Variants in APC2 observed in about 807,000 individuals in gnomAD.
APC2 encodes APC regulator of Wnt signaling pathway 2, also known as adenomatous polyposis coli protein 2.
APC2 carries 41 observed loss-of-function variants against 72.5 expected under a neutral mutation model. The ratio of observed to expected loss-of-function variants is 0.57; its 90% CI spans 0.44 to 0.73. APC2 has a LOEUF of 0.73. APC2 is among the 30% of genes least tolerant of loss of function. APC2 has a pLI of 0.00. For synonymous variants in APC2, 1,898 were observed against 1,612.0 expected (o/e 1.18, Z -4.25); for missense variants, 3,729 against 3,403.4 (o/e 1.10, Z -2.38).
Position 1,466,977 on chromosome 19 carries a change from G to A in APC2, c.3676G>A (p.Ala1226Thr), listed in dbSNP as rs749627504. 2 of 1,607,278 alleles carry A rather than the reference G, an allele frequency of 1.2e-6. No individual in the cohort carries two copies. Among genetic ancestry groups the A allele is most frequent in the East Asian group, 2.2e-5 (1 of 44,678 alleles). ...LAPAPQGPPE[A>T]TQFSLQWESY... is the part of the protein sequence containing the mutation. ...GCCCGCGCCACAGGGTCCCCCCGAG[G>A]CCACCCAGTTCAGCCTGCAGTGGGA... The change falls in exon 15 of 15, where the codon GCC becomes ACC. Residue 1226 changes from alanine to threonine, a missense_variant. Physicochemically the swap from Ala to Thr is moderately conservative, Grantham distance 58. Coordinates refer to ENST00000590469, the MANE Select transcript of APC2 (RefSeq NM_005883.3).
chr19:1,465,533 G>A lies in APC2; in HGVS notation c.2232G>A (p.Lys744=). The A allele has an allele frequency of 6.5e-7, 1 of 1,528,978 alleles. No individual in the cohort carries two copies. Among genetic ancestry groups the A allele is most frequent in the Non-Finnish European group, 8.8e-7 (1 of 1,139,500 alleles). The allele number at this position is 1,528,978 out of a possible 1,614,324, so 94.7% of individuals were successfully genotyped here. ...CGCAGGCGCTGGAGCACCTGGAGAAGCAGGGCCCGCCGGCAGCCGAGGCCG... is the reference window on the plus strand; with the variant it reads ...CGCAGGCGCTGGAGCACCTGGAGAAACAGGGCCCGCCGGCAGCCGAGGCCG... ...HLAQALEHLE[K]QGPPAAEAAT... is the part of the protein sequence containing the mutation. Residue 744 remains lysine, a synonymous_variant, in exon 15 of 15, where the codon AAG becomes AAA. Transcript: ENST00000590469.
chr19:1,456,528 A>C, intron 8 of APC2, 124 bp downstream of exon 8: 1 of 1,072,106 alleles, frequency 9.3e-7, no homozygotes, highest in Non-Finnish European at 1.3e-6. Context: ...GGGTGTAGGA[A>C]GGCCCCTCTG....
At position 1,456,380 on chromosome 19, in the gene APC2, C is replaced by A; in HGVS notation, c.792C>A (p.Gly264=). The A allele has an allele frequency of 6.2e-7, 1 of 1,606,316 alleles. No homozygotes were observed. ...ETEVPTHPED[G]TPQPGNSKVE... is the part of the protein sequence containing the mutation. Reference sequence around the variant, plus strand: ...AGGTCCCCACACACCCTGAGGATGGCACCCCTCAGCCGGGCAACAGCAAGG... The same window carrying A: ...AGGTCCCCACACACCCTGAGGATGGAACCCCTCAGCCGGGCAACAGCAAGG... Residue 264 remains glycine (G), a synonymous_variant, in exon 8 of 15, where the codon GGC becomes GGA. Coordinates refer to ENST00000590469, the MANE Select transcript of APC2 (RefSeq NM_005883.3).
chr19:1,466,384 A>AGGCCTGGCTGCC lies in APC2; in HGVS notation c.3087_3098dup (p.Trp1030_Ala1033dup), dbSNP rs1366325225. The AGGCCTGGCTGCC allele has an allele frequency of 8.2e-6, 13 of 1,589,604 alleles. No homozygotes were observed. The highest frequency in any genetic ancestry group is 1.3e-5 in the African/African-American group (1 of 74,722). On this transcript the variant is annotated inframe_insertion, in exon 15 of 15. Coordinates refer to ENST00000590469, the MANE Select transcript of APC2 (RefSeq NM_005883.3). The stretch of plus-strand genomic sequence containing the variant: ...GGAATCTCTCCAGGGGCCCGGAAGC[A>AGGCCTGGCTGCC]GGCCTGGCTGCCGGCAGACCACCTG...
intron 13 of APC2, 64 bp from the exon 14 acceptor site, chr19:1,461,899 G>A: frequency 7.3e-7 from 1 of 1,368,608 alleles, no homozygotes. Flanking sequence ...CTGAATGTGA[G>A]CGTGGGAGCC....
chr19:1,472,047 G>A lies in APC2; in HGVS notation c.*1834G>A, dbSNP rs1239130080. The A allele has an allele frequency of 6.6e-6, 1 of 152,398 alleles. No homozygotes were observed. Among genetic ancestry groups the A allele is most frequent in the Non-Finnish European group, 1.5e-5 (1 of 68,158 alleles). 9.4% of individuals were successfully genotyped at this position (152,398 alleles called of 1,614,324 possible). A position where few individuals can be genotyped will look rare whatever the true frequency, so the allele number is the denominator to read the frequency against. ...ACCTCGCAGCCAGGCAAGGCTGTCA[G>A]GTTGTTTTGGGGGAAGAGGGGGTCA... On this transcript the variant is annotated 3_prime_UTR_variant, in exon 15 of 15. Transcript: ENST00000590469.
At position 1,461,032 on chromosome 19, in the gene APC2, C is replaced by A. The variant is rs2083914445; in HGVS notation, c.1522-5C>A. ...CCCACCACACTTGCCCCTCACCCCACCCAGGTGGTGTCCAGCATCCTTCGG... is the reference window on the plus strand; with the variant it reads ...CCCACCACACTTGCCCCTCACCCCAACCAGGTGGTGTCCAGCATCCTTCGG... On this transcript the variant is annotated splice_region_variant and splice_polypyrimidine_tract_variant and intron_variant, in intron 12 of 14. Transcript: ENST00000590469. 6.2e-7 allele frequency: 1 copy of A among 1,613,698 alleles called. No individual in the cohort carries two copies.
rs780468086 is a variant in APC2 at position 1,456,171 on chromosome 19, G to A, written c.717+18G>A. 6.4e-7 allele frequency: 1 copy of A among 1,574,604 alleles called. No individual in the cohort carries two copies. The highest frequency in any genetic ancestry group is 1.8e-5 in the Admixed American group (1 of 54,442). Reference sequence around the variant, plus strand: ...AGCCCCAGGTACCGGGTGGGGCAGAGCCAGGGACCAGGGGTGGTGTCGGCC... The same window carrying A: ...AGCCCCAGGTACCGGGTGGGGCAGAACCAGGGACCAGGGGTGGTGTCGGCC... On this transcript the variant is annotated intron_variant, in intron 7 of 14. Transcript: ENST00000590469.
chr19:1,470,226 G>A lies in APC2; in HGVS notation c.*13G>A, dbSNP rs746234982. The A allele has an allele frequency of 7.0e-6, 11 of 1,572,206 alleles. No individual in the cohort carries two copies. The highest frequency in any genetic ancestry group is 3.4e-6 in the Non-Finnish European group (4 of 1,162,022). ...CCTCCTGGAATAGTGGCCTAGGCCG[G>A]CCTTCTGGAACGTTCTCTCCCGGCC... On this transcript the variant is annotated 3_prime_UTR_variant, in exon 15 of 15. Coordinates refer to ENST00000590469, the MANE Select transcript of APC2 (RefSeq NM_005883.3).
intron 14 of APC2, among the ~76,000 whole-genome samples, chr19:1,464,041 G>C (rs1007258993): frequency 6.6e-6 from 1 of 152,092 alleles, no homozygotes; most frequent in Non-Finnish European, 1.5e-5. Flanking sequence ...CAGTGGGGTG[G>C]TGGACGCCTG....
rs2083899121 is a variant in APC2 at position 1,460,104 on chromosome 19, G to A, written c.1304-77G>A. 1.9e-6 allele frequency: 3 copies of A among 1,592,444 alleles called. No homozygotes were observed. In the Admixed American group the frequency reaches 5.1e-5, roughly 27 times the overall value. ...TCTGGGGCATAGGGAGGGCCTCTGG[G>A]CAAGGGAGTGAGGTGGGGCGCTGGG... On this transcript the variant is annotated intron_variant, in intron 10 of 14. Transcript: ENST00000590469.
At chr19:1,448,868 A>G (rs1246682239), upstream of APC2, among the ~76,000 whole-genome samples, 1 of 151,584 alleles carries the variant, frequency 6.6e-6, no homozygotes, top group South Asian at 2.1e-4. Flanking sequence ...GAAAAAAAAG[A>G]AAAAGAAAAA....
At chr19:1,458,082 G>A (rs1406619799) in intron 10 of APC2, 22 bp downstream of exon 10, 1 of 1,550,436 alleles carries the variant, frequency 6.4e-7, no homozygotes, top group South Asian at 1.2e-5. Flanking sequence ...AGGTCCTCTG[G>A]GAAGCCATCC....
rs932887914 is a variant in APC2, at chr19:1,470,513, C to G, written c.*300C>G. Reference sequence around the variant, plus strand: ...CCTGAGCGCGCGGCCCTTCCCCTGTCGGAAGCCGTTGCTTGACCCCGGGCG... The same window carrying G: ...CCTGAGCGCGCGGCCCTTCCCCTGTGGGAAGCCGTTGCTTGACCCCGGGCG... On this transcript the variant is annotated 3_prime_UTR_variant, in exon 15 of 15. Transcript: ENST00000590469. 1.8e-5 allele frequency: 6 copies of G among 336,732 alleles called. No individual in the cohort carries two copies. The highest frequency in any genetic ancestry group is 1.3e-4 in the African/African-American group (6 of 46,568). The allele number at this position is 336,732 out of a possible 1,614,324, so 20.9% of individuals were successfully genotyped here.
intron 11 of APC2, 122 bp downstream of exon 11, chr19:1,460,442 TACAG>T (rs2083904504): frequency 7.0e-7 from 1 of 1,435,176 alleles, no homozygotes; most frequent in African/African-American, 1.4e-5. Flanking sequence ...GTCCCCAACT[TACAG>T]ACGGGTAGAC....
Position 1,453,505 on chromosome 19 carries a change from C to G in APC2, c.307C>G (p.Arg103Gly). Residue 103 changes from arginine to glycine, a missense_variant, in exon 4 of 15, where the codon CGG becomes GGG. Physicochemically the swap from Arg to Gly is moderately radical, Grantham distance 125 (BLOSUM62 -2). Coordinates refer to ENST00000590469, the MANE Select transcript of APC2 (RefSeq NM_005883.3). ...PPTLGPEPAA[R>G]TPEGSPVHGS... ...CACCCTGGGCCCGGAGCCTGCCGCC[C>G]GGACCCCCGAGGGCAGCCCAGTACA... The G allele has an allele frequency of 6.2e-7, 1 of 1,607,872 alleles. No individual in the cohort carries two copies. Among genetic ancestry groups the G allele is most frequent in the Middle Eastern group, 1.7e-4 (1 of 6,046 alleles).
At position 1,467,708 on chromosome 19, in the gene APC2, G is replaced by A; in HGVS notation, c.4407G>A (p.Leu1469=). Residue 1469 remains leucine (L), a synonymous_variant, in exon 15 of 15, where the codon CTG becomes CTA. Transcript: ENST00000590469. ...ACAGAGCAGGGCTGGAGCTGCCCCT[G>A]GGCCGGCCCCCGAGCGCCCCCGCAG... ...GKNRAGLELP[L]GRPPSAPADK... 6.9e-7 allele frequency: 1 copy of A among 1,445,842 alleles called. No homozygotes were observed. 89.6% of individuals were successfully genotyped at this position (1,445,842 alleles called of 1,614,324 possible).
rs755539898 is a variant in APC2 at position 1,460,329 on chromosome 19, G to C, written c.1443+9G>C. 3.7e-6 allele frequency: 6 copies of C among 1,613,248 alleles called. No individual in the cohort carries two copies. The South Asian group carries it at 6.6e-5, about 18-fold the overall frequency. ...GGGACGTTGCCAACAAGGTGCCCGG[G>C]GGCAGTGGGTGGGCTGGCACTTTCC... is the stretch of plus-strand genomic sequence containing the variant. On this transcript the variant is annotated intron_variant, in intron 11 of 14. Transcript: ENST00000590469.
chr19:1,447,801 C>A (rs1180685292), upstream of APC2, among the ~76,000 whole-genome samples: 2 of 152,178 alleles, frequency 1.3e-5, no homozygotes, highest in African/African-American at 4.8e-5. Flanking sequence ...GGTTCAGTGT[C>A]ACTCCGGAGG....
Sources: gnomAD v4.1 joint callset for allele counts (sites outside exome capture counted in the v4.1 genomes callset) on GRCh38, gnomAD v4.1.1 for gene constraint, MANE v1.5 for transcripts, NCBI Gene and HGNC (gene_info 2026-07-23, HGNC 2026-07-21) for gene names.